The following DHX40 variants were observed in gnomAD, a reference collection of about 807,000 sequenced individuals.
DHX40 encodes the protein probable ATP-dependent RNA helicase DHX40.
In DHX40, 28 loss-of-function variants were observed where a neutral mutation model predicts 89.6. That is an observed-to-expected ratio of 0.31 (90% CI 0.23 to 0.43). The LOEUF is 0.43. DHX40 is among the 20% of genes least tolerant of loss of function. The probability of loss-of-function intolerance (pLI) is 1.00; values close to 1 mark genes in which losing one functional copy is unlikely to be tolerated. For synonymous variants in DHX40, 226 were observed against 283.6 expected (o/e 0.80, Z 2.04); for missense variants, 457 against 844.0 (o/e 0.54, Z 5.68).
At chr17:59,576,036 C>G (rs1385214578) in intron 7 of DHX40, among the ~76,000 whole-genome samples, 4 of 143,366 alleles carry the variant, frequency 2.8e-5, no homozygotes, top group Non-Finnish European at 6.1e-5. Flanking sequence ...ATTGCAGGCG[C>G]TCGCCACCAC....
At chr17:59,575,144 CT>C (rs1412457413) in intron 6 of DHX40, among the ~76,000 whole-genome samples, 195 bp from the exon 7 acceptor site, 2 of 151,930 alleles carry the variant, frequency 1.3e-5, no homozygotes, top group Non-Finnish European at 2.9e-5. Context: ...ATTTAGGTTT[CT>C]TAGAAACTGA....
intron 8 of DHX40, 96 bp downstream of exon 8, chr17:59,577,461 A>C (rs1222616927): frequency 2.1e-5 from 18 of 869,934 alleles, no homozygotes; most frequent in Middle Eastern, 2.2e-4. Context: ...GCCCTCCACT[A>C]ATTCCCTTCT....
At chr17:59,566,088 C>A (rs536705712) in intron 1 of DHX40, among the ~76,000 whole-genome samples, 4 of 152,166 alleles carry the variant, frequency 2.6e-5, no homozygotes, top group Admixed American at 6.5e-5. Context: ...TCATCCCCCC[C>A]ACCCTTCGTC....
chr17:59,607,276 C>G lies in DHX40; in HGVS notation c.*104C>G, dbSNP rs1337050821. 29 of 1,608,178 alleles carry G rather than the reference C, an allele frequency of 1.8e-5. No homozygotes were observed. Among genetic ancestry groups the G allele is most frequent in the Non-Finnish European group, 2.5e-5 (29 of 1,176,454 alleles). Reference sequence around the variant, plus strand: ...CACTACCAAGAGGAGGTGGTCAGCACTTGTTATTGGCCTATGAACTAAAAG... The same window carrying G: ...CACTACCAAGAGGAGGTGGTCAGCAGTTGTTATTGGCCTATGAACTAAAAG... On this transcript the variant is annotated 3_prime_UTR_variant, in exon 18 of 18. Transcript: ENST00000251241.
At chr17:59,605,890 A>G (rs951893105) in intron 17 of DHX40, 11 of 599,106 alleles carry the variant, frequency 1.8e-5, no homozygotes, top group Admixed American at 6.8e-5. Flanking sequence ...GCTTGAACCC[A>G]GGAGTTTGAG....
chr17:59,596,406 A>C (rs1005199878), intron 12 of DHX40, among the ~76,000 whole-genome samples: 7 of 152,166 alleles, frequency 4.6e-5, no homozygotes, highest in African/African-American at 1.7e-4. Context: ...ATCTCTACTA[A>C]AAAATGTAAA....
In DHX40 at chr17:59,566,745, T is replaced by C. The variant is rs2143180513; in HGVS notation, c.231T>C (p.Asn77=). 1 of 1,598,240 alleles carries C rather than the reference T, an allele frequency of 6.3e-7. No homozygotes were observed. Among genetic ancestry groups the C allele is most frequent in the Middle Eastern group, 1.7e-4 (1 of 6,038 alleles). ...ATTCATTCCTTATTGTTACTGGAAA[T>C]ACAGGAAGTGGTAAAACAACTCAAC... ...RDNSFLIVTG[N]TGSGKTTQLP... Residue 77 remains asparagine (N), a synonymous_variant, in exon 2 of 18, where the codon AAT becomes AAC. Coordinates refer to ENST00000251241, the MANE Select transcript of DHX40 (RefSeq NM_024612.5).
At chr17:59,571,060 G>C (rs2048800381) in intron 3 of DHX40, among the ~76,000 whole-genome samples, 1 of 151,952 alleles carries the variant, frequency 6.6e-6, no homozygotes, top group Admixed American at 6.6e-5. Flanking sequence ...TAACTGTAAG[G>C]ATTCTTGACA....
At chr17:59,592,164 C>T (rs565888659) in intron 12 of DHX40, among the ~76,000 whole-genome samples, 1 of 151,742 alleles carries the variant, frequency 6.6e-6, no homozygotes, top group East Asian at 1.9e-4. Flanking sequence ...AGCCACTATG[C>T]CCGGCCTAAA....
At chr17:59,606,910 A>T in intron 17 of DHX40, 123 bp from the exon 18 acceptor site, 1 of 996,680 alleles carries the variant, frequency 1.0e-6, no homozygotes, top group Non-Finnish European at 1.5e-6. Flanking sequence ...GGCAAAATTT[A>T]ATTTTTCTCT....
intron 15 of DHX40, chr17:59,604,201 G>A (rs1293504497): frequency 6.6e-6 from 1 of 152,152 alleles, no homozygotes; most frequent in Non-Finnish European, 1.5e-5. Flanking sequence ...GTTCTTGATT[G>A]TTGATTGTAA....
At position 59,585,395 on chromosome 17, in the gene DHX40, G is replaced by A. The variant is rs543715136; in HGVS notation, c.1344-758G>A. ...AACCTGGGCAGCAGAGTGAGACTCC[G>A]TCTCAAAAAAAAAAAAAATTAAATT... On this transcript the variant is annotated intron_variant, in intron 10 of 17. Coordinates refer to ENST00000251241, the MANE Select transcript of DHX40 (RefSeq NM_024612.5). Among the ~76,000 whole-genome samples the A allele has an allele frequency of 7.5e-4, 103 of 136,702 alleles. 1 individual carries two copies. Among genetic ancestry groups the A allele is most frequent in the Non-Finnish European group, 1.1e-3 (73 of 64,462 alleles). 89.7% of individuals were successfully genotyped at this position (136,702 alleles called of 152,430 possible).
At chr17:59,588,489 C>T (rs577111927) in intron 12 of DHX40, among the ~76,000 whole-genome samples, 228 of 151,998 alleles carry the variant, frequency 1.5e-3, no homozygotes, top group African/African-American at 4.9e-3. Context: ...TGTGCCACCA[C>T]GCCTGGCTAA....
At chr17:59,573,666 G>A (rs1314452277) in intron 4 of DHX40, 74 bp from the exon 5 acceptor site, 2 of 1,453,504 alleles carry the variant, frequency 1.4e-6, no homozygotes, top group African/African-American at 2.8e-5. Context: ...TCCTTGGTTA[G>A]AATAGCAGTG....
Position 59,573,974 on chromosome 17 carries a change from CT to C in DHX40, c.774+9del, listed in dbSNP as rs772387976. 31 of 1,404,292 alleles carry C rather than the reference CT, an allele frequency of 2.2e-5. No individual in the cohort carries two copies. Among genetic ancestry groups the C allele is most frequent in the African/African-American group, 3.1e-5 (2 of 64,536 alleles). The allele number at this position is 1,404,292 out of a possible 1,614,324, so 87.0% of individuals were successfully genotyped here. On this transcript the variant is annotated splice_region_variant and intron_variant, in intron 5 of 17. Coordinates refer to ENST00000251241, the MANE Select transcript of DHX40 (RefSeq NM_024612.5). The stretch of plus-strand genomic sequence containing the variant: ...TACTGCGTATATTCAAGCGGTATTA[CT>C]TGGCATTCATTTAATGTCTTTTTTA...
intron 12 of DHX40, among the ~76,000 whole-genome samples, chr17:59,596,278 G>C (rs978989215): frequency 1.3e-5 from 2 of 152,108 alleles, no homozygotes; most frequent in African/African-American, 4.8e-5. Context: ...TTAAAAATTA[G>C]TATCCCTGGC....
intron 17 of DHX40, among the ~76,000 whole-genome samples, chr17:59,606,828 G>A (rs2030889401): frequency 6.6e-6 from 1 of 151,878 alleles, no homozygotes; most frequent in South Asian, 2.1e-4. Flanking sequence ...GCTTGAATTA[G>A]GGTCAGTTTT....
At chr17:59,569,692 G>T (rs1013838318) in intron 2 of DHX40, among the ~76,000 whole-genome samples, 1 of 133,876 alleles carries the variant, frequency 7.5e-6, no homozygotes, top group Non-Finnish European at 1.5e-5. Context: ...TCTCAAAAAA[G>T]AAAAAAATAT....
At chr17:59,594,647 C>T (rs1037277414) in intron 12 of DHX40, among the ~76,000 whole-genome samples, 4 of 151,218 alleles carry the variant, frequency 2.6e-5, no homozygotes, top group Non-Finnish European at 4.4e-5. Context: ...GTAGTGGGAA[C>T]TACCACTGAG....
Sources: allele counts gnomAD v4.1 joint callset (sites outside exome capture counted in the v4.1 genomes callset), GRCh38; gene constraint gnomAD v4.1.1; transcripts MANE v1.5; gene names NCBI Gene and HGNC (gene_info 2026-07-23, HGNC 2026-07-21).